The following RFWD3 variants were observed in gnomAD, a reference collection of about 807,000 sequenced individuals.
RFWD3 encodes the protein E3 ubiquitin-protein ligase RFWD3.
RFWD3 carries 65 observed loss-of-function variants against 87.7 expected under a neutral mutation model. The ratio of observed to expected loss-of-function variants is 0.74; its 90% CI spans 0.61 to 0.91. The LOEUF is 0.91. Among genes scored for constraint, RFWD3 ranks in the 40% least tolerant of loss-of-function variants. RFWD3 has a pLI of 0.00. For synonymous variants in RFWD3, 433 were observed against 352.8 expected, an observed-to-expected ratio of 1.23 and a Z score of -2.55; for missense variants, 1,078 against 938.5, an observed-to-expected ratio of 1.15 and a Z score of -1.94.
intron 4 of RFWD3, among the ~76,000 whole-genome samples, chr16:74,647,330 C>T (rs1385632423): frequency 6.6e-6 from 1 of 151,918 alleles, no homozygotes; most frequent in Non-Finnish European, 1.5e-5. Context: ...GTCTGTTACC[C>T]AGGCTGGAGT....
chr16:74,661,810 CA>C (rs770361364), intron 1 of RFWD3, among the ~76,000 whole-genome samples: 1 of 152,110 alleles, frequency 6.6e-6, no homozygotes, highest in African/African-American at 2.4e-5. Flanking sequence ...GGACATTCAC[CA>C]AAATCAAATG....
chr16:74,652,256 G>T, intron 2 of RFWD3, 134 bp from the exon 3 acceptor site: 1 of 742,170 alleles, frequency 1.3e-6, no homozygotes, highest in Non-Finnish European at 2.2e-6. Context: ...GAAAGCTGAA[G>T]CAGGTATAGC....
At chr16:74,628,809 T>C (rs1293231769) in intron 10 of RFWD3, 143 bp from the exon 11 acceptor site, 1 of 660,416 alleles carries the variant, frequency 1.5e-6, no homozygotes, top group Non-Finnish European at 2.6e-6. Flanking sequence ...CTGATAAAAA[T>C]TATCAACCCT....
chr16:74,635,259 G>T (rs1033872741), intron 8 of RFWD3, among the ~76,000 whole-genome samples: 6 of 151,664 alleles, frequency 4.0e-5, no homozygotes, highest in South Asian at 2.1e-4. Flanking sequence ...GTCCGGCCTA[G>T]GCGAAAGAGC....
chr16:74,643,669 GTT>G lies in RFWD3; in HGVS notation c.1079+691_1079+692del, dbSNP rs35397997. ...ATACTGAGTGGTGTTACTAGCAACT[GTT>G]TTTTTTTTTTTTTTTTTTTTTTGAG... On this transcript the variant is annotated intron_variant, in intron 6 of 12. Coordinates refer to ENST00000361070, the MANE Select transcript of RFWD3 (RefSeq NM_018124.4). Among the ~76,000 whole-genome samples the G allele has an allele frequency of 9.5e-5, 10 of 105,052 alleles. 1 individual carries two copies. Among genetic ancestry groups the G allele is most frequent in the African/African-American group, 1.2e-4 (3 of 25,568 alleles). 68.9% of individuals were successfully genotyped at this position (105,052 alleles called of 152,430 possible).
intron 6 of RFWD3, among the ~76,000 whole-genome samples, chr16:74,638,754 T>C (rs1959369574): frequency 6.6e-6 from 1 of 152,196 alleles, no homozygotes; most frequent in African/African-American, 2.4e-5. Flanking sequence ...AAAAAATTCA[T>C]TCACAACAAT....
At chr16:74,665,685 G>C (rs111322001) in intron 1 of RFWD3, among the ~76,000 whole-genome samples, 1 of 152,154 alleles carries the variant, frequency 6.6e-6, no homozygotes, top group Non-Finnish European at 1.5e-5. Context: ...CCTGGGGCCC[G>C]GGAGTTCGAG....
chr16:74,637,859 A>C lies in RFWD3; in HGVS notation c.1191T>G (p.Val397=), dbSNP rs751816148. The C allele has an allele frequency of 4.3e-6, 7 of 1,610,906 alleles. No homozygotes were observed. In the South Asian group the frequency reaches 7.7e-5, roughly 18 times the overall value. ...TDKCTRLQRR[V]QDLQKLTSHQ... The stretch of plus-strand genomic sequence containing the variant: ...GGATTAGAAAGGACAAACGTACCTG[A>C]ACACGCCTTTGAAGCCTAGTGCACT... The change falls in exon 7 of 13, where the codon GTT becomes GTG. Residue 397 remains valine, a synonymous_variant. Coordinates refer to ENST00000361070, the MANE Select transcript of RFWD3 (RefSeq NM_018124.4).
intron 3 of RFWD3, among the ~76,000 whole-genome samples, chr16:74,650,568 G>A (rs745508914): frequency 6.6e-6 from 1 of 151,992 alleles, no homozygotes; most frequent in Non-Finnish European, 1.5e-5. Context: ...CAACCTAATG[G>A]TTTTAGGATC....
Position 74,637,974 on chromosome 16 carries a change from GA to G in RFWD3, c.1080-5del. 2 of 1,599,904 alleles carry G rather than the reference GA, an allele frequency of 1.3e-6. No homozygotes were observed. The highest frequency in any genetic ancestry group is 1.7e-6 in the Non-Finnish European group (2 of 1,170,760). On this transcript the variant is annotated splice_polypyrimidine_tract_variant and splice_region_variant and intron_variant, in intron 6 of 12. Coordinates refer to ENST00000361070, the MANE Select transcript of RFWD3 (RefSeq NM_018124.4). ...CATCTGTTCCTTCAGTAGGGAACTA[GA>G]GGGGGAAAGCCAGCAACAAGTGGGG...
chr16:74,658,868 AG>A (rs1329467670), intron 2 of RFWD3, among the ~76,000 whole-genome samples: 1 of 151,930 alleles, frequency 6.6e-6, no homozygotes, highest in African/African-American at 2.4e-5. Flanking sequence ...CCTAGGTTCA[AG>A]GAATTCTCAT....
rs1214143870 is a variant in RFWD3, at chr16:74,623,886, A to T, written c.*42T>A. On this transcript the variant is annotated 3_prime_UTR_variant, in exon 13 of 13. Coordinates refer to ENST00000361070, the MANE Select transcript of RFWD3 (RefSeq NM_018124.4). ...TGGGGCTGCTAGGCGCTAGCAAACA[A>T]CATCTAACCAGCAGCATGCCTTCAA... 1.9e-6 allele frequency: 3 copies of T among 1,606,564 alleles called. No individual in the cohort carries two copies. Among genetic ancestry groups the T allele is most frequent in the Admixed American group, 3.4e-5 (2 of 59,510 alleles).
chr16:74,640,110 G>A (rs78227885), intron 6 of RFWD3, among the ~76,000 whole-genome samples: 13,318 of 151,912 alleles, frequency 0.088, 793 homozygotes, highest in East Asian at 0.25. Flanking sequence ...TGGCTAAGGG[G>A]GGACTACTGT....
chr16:74,636,186 T>G (rs1032886808), intron 8 of RFWD3, among the ~76,000 whole-genome samples, 160 bp downstream of exon 8: 3 of 152,202 alleles, frequency 2.0e-5, no homozygotes, highest in African/African-American at 7.2e-5. Context: ...CAACAGACAG[T>G]AAAGACATCT....
chr16:74,635,612 T>G (rs1959189684), intron 8 of RFWD3, among the ~76,000 whole-genome samples: 1 of 152,150 alleles, frequency 6.6e-6, no homozygotes, highest in African/African-American at 2.4e-5. Flanking sequence ...CATTCCCAAT[T>G]TGGGGAACAT....
At chr16:74,642,850 T>C (rs1218854541) in intron 6 of RFWD3, among the ~76,000 whole-genome samples, 1 of 152,156 alleles carries the variant, frequency 6.6e-6, no homozygotes, top group Non-Finnish European at 1.5e-5. Context: ...TTGATAAAAT[T>C]GGGTAAAAGG....
chr16:74,643,968 T>C (rs752398601), intron 6 of RFWD3: 38 of 262,250 alleles, frequency 1.4e-4, no homozygotes, highest in Admixed American at 5.1e-4. Flanking sequence ...TGAGCCACCA[T>C]GCCCGGCCCT....
At position 74,661,432 on chromosome 16, in the gene RFWD3, C is replaced by T; in HGVS notation, c.18G>A (p.Met6Ile). MAHEA[M>I]EYDVQVQLNH... ...TTAACTGCACCTGAACATCATATTC[C>T]ATTGCTTCATGAGCCATCACTAGAG... Residue 6 changes from methionine (M) to isoleucine (I), a missense_variant, in exon 2 of 13, where the codon ATG becomes ATA. Transcript: ENST00000361070. The T allele has an allele frequency of 6.2e-7, 1 of 1,609,982 alleles. No individual in the cohort carries two copies. Among genetic ancestry groups the T allele is most frequent in the Non-Finnish European group, 8.5e-7 (1 of 1,178,562 alleles).
At chr16:74,646,712 G>A (rs929765979) in intron 4 of RFWD3, among the ~76,000 whole-genome samples, 9 of 152,100 alleles carry the variant, frequency 5.9e-5, no homozygotes, top group Non-Finnish European at 1.2e-4. Context: ...CTTGAACTCA[G>A]GAGGTGGAAA....
Sources: allele counts gnomAD v4.1 joint callset (sites outside exome capture counted in the v4.1 genomes callset), GRCh38; gene constraint gnomAD v4.1.1; transcripts MANE v1.5; gene names NCBI Gene and HGNC (gene_info 2026-07-23, HGNC 2026-07-21).